The following RGL1 variants were observed in gnomAD, a reference collection of about 807,000 sequenced individuals.
RGL1 encodes ral guanine nucleotide dissociation stimulator-like 1.
A neutral mutation model predicts 95.2 loss-of-function variants in RGL1; 24 were observed. That is an observed-to-expected ratio of 0.25 (90% CI 0.18 to 0.35). RGL1 has a LOEUF of 0.35. Ranked by LOEUF, RGL1 falls within the 10% of genes least tolerant of loss-of-function variation. The pLI is 1.00. For synonymous variants in RGL1, 329 were observed against 344.9 expected, an observed-to-expected ratio of 0.95 and a Z score of 0.51; for missense variants, 715 against 936.3, an observed-to-expected ratio of 0.76 and a Z score of 3.08.
intron 2 of RGL1, among the ~76,000 whole-genome samples, chr1:183,836,189 A>G (rs956989521): frequency 6.6e-6 from 1 of 152,202 alleles, no homozygotes; most frequent in African/African-American, 2.4e-5. Flanking sequence ...TTTTCTTAGA[A>G]TTAATGTATA....
intron 3 of RGL1, among the ~76,000 whole-genome samples, chr1:183,865,085 A>G (rs1665745802): frequency 6.6e-6 from 1 of 152,242 alleles, no homozygotes; most frequent in African/African-American, 2.4e-5. Context: ...GAGAAACTGA[A>G]GAAATAGTCT....
chr1:183,908,838 C>T (rs1668489557), intron 14 of RGL1, among the ~76,000 whole-genome samples: 1 of 152,312 alleles, frequency 6.6e-6, no homozygotes, highest in South Asian at 2.1e-4. Context: ...CGTCCTGCTA[C>T]CTCTATCCTC....
chr1:183,743,110 C>T (rs1657413305), intron 2 of RGL1, among the ~76,000 whole-genome samples: 1 of 152,118 alleles, frequency 6.6e-6, no homozygotes, highest in Non-Finnish European at 1.5e-5. Flanking sequence ...CTCCTGGGCT[C>T]AAGTGATCCT....
chr1:183,703,363 C>A (rs1654716949), intron 1 of RGL1, among the ~76,000 whole-genome samples: 1 of 152,126 alleles, frequency 6.6e-6, no homozygotes, highest in Admixed American at 6.5e-5. Flanking sequence ...TGGTGGTTAA[C>A]TATGGTTTCA....
At chr1:183,906,664 A>T (rs998702974) in intron 13 of RGL1, among the ~76,000 whole-genome samples, 2 of 152,198 alleles carry the variant, frequency 1.3e-5, no homozygotes, top group Admixed American at 1.3e-4. Context: ...GAGGTAGTAG[A>T]GGAAGGAAGA....
chr1:183,665,858 A>G (rs1025755029), intron 1 of RGL1, among the ~76,000 whole-genome samples: 16 of 151,350 alleles, frequency 1.1e-4, no homozygotes, highest in African/African-American at 3.6e-4. Context: ...GATTTTCTCC[A>G]TTGTTTTTCT....
At chr1:183,660,633 G>A (rs12049524) in intron 1 of RGL1, among the ~76,000 whole-genome samples, 10,566 of 148,864 alleles carry the variant, frequency 0.071, 740 homozygotes, top group African/African-American at 0.18. Flanking sequence ...CCCACTGTCA[G>A]CATTAGACAG....
intron 2 of RGL1, among the ~76,000 whole-genome samples, chr1:183,746,363 T>C (rs1657627075): frequency 6.6e-6 from 1 of 152,076 alleles, no homozygotes; most frequent in African/African-American, 2.4e-5. Context: ...CATATGTATG[T>C]ATATATAAAC....
chr1:183,771,928 C>T (rs1659296250), intron 2 of RGL1, among the ~76,000 whole-genome samples: 1 of 152,192 alleles, frequency 6.6e-6, no homozygotes, highest in South Asian at 2.1e-4. Flanking sequence ...GGTGAGAGGA[C>T]ACGGAGGGGA....
intron 1 of RGL1, among the ~76,000 whole-genome samples, chr1:183,656,622 C>A (rs1651185836): frequency 6.6e-6 from 1 of 152,188 alleles, no homozygotes; most frequent in Non-Finnish European, 1.5e-5. Context: ...TCCTCTGTGA[C>A]CATGCAGCAG....
At chr1:183,647,136 T>A (rs1650348101) in intron 1 of RGL1, 1 of 152,996 alleles carries the variant, frequency 6.5e-6, no homozygotes, top group Non-Finnish European at 1.5e-5. Context: ...CTATATGTAA[T>A]CAGCAGAAGA....
At chr1:183,863,900 A>C (rs1461904350) in intron 3 of RGL1, among the ~76,000 whole-genome samples, 1 of 152,194 alleles carries the variant, frequency 6.6e-6, no homozygotes, top group Non-Finnish European at 1.5e-5. Context: ...TGGTCTTCTG[A>C]GCCATTGCTC....
chr1:183,690,787 C>G (rs571636304), intron 1 of RGL1, among the ~76,000 whole-genome samples: 47 of 151,354 alleles, frequency 3.1e-4, no homozygotes, highest in Middle Eastern at 3.4e-3. Flanking sequence ...CCCATTCTCC[C>G]ACTGATTTTT....
chr1:183,704,143 C>A (rs1299941962), intron 1 of RGL1, among the ~76,000 whole-genome samples: 1 of 152,204 alleles, frequency 6.6e-6, no homozygotes, highest in African/African-American at 2.4e-5. Context: ...GCTACCTAAT[C>A]TGCTAGTGCA....
At chr1:183,683,124 A>G (rs1653337601) in intron 1 of RGL1, among the ~76,000 whole-genome samples, 1 of 152,032 alleles carries the variant, frequency 6.6e-6, no homozygotes, top group Non-Finnish European at 1.5e-5. Context: ...ACTCTATCCA[A>G]TTTGCCAGTC....
At chr1:183,809,932 G>A (rs1212980657) in intron 2 of RGL1, among the ~76,000 whole-genome samples, 1 of 152,206 alleles carries the variant, frequency 6.6e-6, no homozygotes, top group Non-Finnish European at 1.5e-5. Context: ...ACTCTAGCCT[G>A]AGTGAGAGAG....
intron 1 of RGL1, chr1:183,709,741 A>G (rs568172492): frequency 7.8e-4 from 168 of 215,170 alleles, no homozygotes; most frequent in African/African-American, 3.8e-3. Context: ...GCTGGTGCTT[A>G]TTAAGGAGTT....
intron 1 of RGL1, among the ~76,000 whole-genome samples, chr1:183,637,065 T>C (rs576149611): frequency 2.6e-5 from 4 of 152,202 alleles, no homozygotes; most frequent in Admixed American, 6.5e-5. Context: ...CTTCCACTCA[T>C]AATGTTTGAA....
intron 2 of RGL1, among the ~76,000 whole-genome samples, chr1:183,779,384 G>A (rs911069018): frequency 6.6e-6 from 1 of 151,954 alleles, no homozygotes; most frequent in Non-Finnish European, 1.5e-5. Flanking sequence ...TAGTAGCTGG[G>A]ATTTCAGGCA....
Sources: gnomAD v4.1 joint callset for allele counts (sites outside exome capture counted in the v4.1 genomes callset) on GRCh38, gnomAD v4.1.1 for gene constraint, MANE v1.5 for transcripts, NCBI Gene and HGNC (gene_info 2026-07-23, HGNC 2026-07-21) for gene names.